The following RTF2 variants were observed in gnomAD, a reference collection of about 807,000 sequenced individuals.
RTF2 encodes the protein replication termination factor 2.
In RTF2, 18 loss-of-function variants were observed where a neutral mutation model predicts 38.0. That is an observed-to-expected ratio of 0.47 (90% CI 0.33 to 0.70). The LOEUF (loss-of-function observed/expected upper bound fraction) is 0.70. Ranked by LOEUF, RTF2 falls within the 30% of genes least tolerant of loss-of-function variation. The pLI, the probability that RTF2 is intolerant of heterozygous loss-of-function variation, is 0.02. For synonymous variants in RTF2, 126 were observed against 137.1 expected, an observed-to-expected ratio of 0.92 and a Z score of 0.57; for missense variants, 311 against 379.6, an observed-to-expected ratio of 0.82 and a Z score of 1.50.
At chr20:56,470,558 T>C (rs761597462) in intron 1 of RTF2, 50 of 455,756 alleles carry the variant, frequency 1.1e-4, no homozygotes, top group Non-Finnish European at 2.0e-4. Context: ...CTAAATTCCT[T>C]GTAATTTCCT....
chr20:56,497,459 A>G (rs750191781), intron 5 of RTF2: 29 of 1,524,612 alleles, frequency 1.9e-5, no homozygotes, highest in Non-Finnish European at 1.8e-5. Context: ...AACACAGTTC[A>G]TCTGGGTAAA....
chr20:56,508,649 A>AGT (rs1354002741), intron 5 of RTF2, among the ~76,000 whole-genome samples: 2 of 152,210 alleles, frequency 1.3e-5, no homozygotes, highest in East Asian at 3.8e-4. Context: ...TAATCAAGAT[A>AGT]GTGTGGTGCT....
chr20:56,485,899 A>G (rs1359228817), intron 5 of RTF2, among the ~76,000 whole-genome samples: 1 of 152,206 alleles, frequency 6.6e-6, no homozygotes, highest in Non-Finnish European at 1.5e-5. Context: ...GGTACCAAAC[A>G]GATGGTAAAG....
chr20:56,483,188 C>T (rs542604191), intron 4 of RTF2, among the ~76,000 whole-genome samples: 17 of 152,264 alleles, frequency 1.1e-4, no homozygotes, highest in African/African-American at 4.1e-4. Context: ...TACATTTGCA[C>T]ACTTGTGGGC....
chr20:56,504,462 G>A lies in RTF2; in HGVS notation c.478-8853G>A, dbSNP rs556122508. On this transcript the variant is annotated intron_variant, in intron 5 of 8. Coordinates refer to ENST00000357348, the MANE Select transcript of RTF2 (RefSeq NM_016407.5). ...TAGTTATCAGACCCTCTCTCATTAA[G>A]GAGATAAATAAAAGTCACTTAAAAA... Among the ~76,000 whole-genome samples, 96 of 152,246 alleles carry A rather than the reference G, an allele frequency of 6.3e-4. No individual in the cohort carries two copies. In the Middle Eastern group the frequency reaches 0.01, roughly 16 times the overall value.
At chr20:56,497,004 A>T in intron 5 of RTF2, 1 of 1,551,848 alleles carries the variant, frequency 6.4e-7, no homozygotes, top group South Asian at 1.2e-5. Context: ...ACAAAGATTG[A>T]TGACATAGTT....
intron 5 of RTF2, among the ~76,000 whole-genome samples, chr20:56,492,658 C>T (rs937459322): frequency 4.6e-5 from 7 of 151,816 alleles, no homozygotes; most frequent in Non-Finnish European, 8.8e-5. Flanking sequence ...TTTTGACAAC[C>T]GTGTTTGGCT....
In RTF2 at chr20:56,473,202, A is replaced by G; in HGVS notation, c.70-99A>G. ...ATCTTTGATTTAAAAAACAAAAATC[A>G]TTACAGTGCGGTATTACTGAATATA... On this transcript the variant is annotated intron_variant, in intron 1 of 8. Transcript: ENST00000357348. 3.5e-6 allele frequency: 3 copies of G among 853,432 alleles called. No homozygotes were observed. In the Admixed American group the frequency reaches 7.1e-5, roughly 20 times the overall value. The allele number at this position is 853,432 out of a possible 1,614,324, so 52.9% of individuals were successfully genotyped here.
intron 4 of RTF2, 23 bp from the exon 5 acceptor site, chr20:56,484,088 C>T: frequency 6.2e-7 from 1 of 1,606,844 alleles, no homozygotes. Flanking sequence ...TACAGTCCTT[C>T]CCCCACTGGG....
intron 5 of RTF2, among the ~76,000 whole-genome samples, chr20:56,498,184 G>T (rs919797831): frequency 6.6e-6 from 1 of 152,192 alleles, no homozygotes; most frequent in African/African-American, 2.4e-5. Context: ...AAAGTTCATT[G>T]TGTGCCATTA....
At chr20:56,471,633 A>G (rs181514285) in intron 1 of RTF2, 2 of 152,318 alleles carry the variant, frequency 1.3e-5, no homozygotes, top group Admixed American at 1.3e-4. Flanking sequence ...GTAAAAACTT[A>G]AAAGAAGAAA....
At chr20:56,483,233 CT>C (rs1982615296) in intron 4 of RTF2, among the ~76,000 whole-genome samples, 1 of 152,148 alleles carries the variant, frequency 6.6e-6, no homozygotes, top group African/African-American at 2.4e-5. Flanking sequence ...AAAAGTCACA[CT>C]TTACTTGATA....
chr20:56,476,533 C>G (rs1225288893), intron 3 of RTF2, among the ~76,000 whole-genome samples: 2 of 139,286 alleles, frequency 1.4e-5, no homozygotes, highest in Non-Finnish European at 3.1e-5. Flanking sequence ...GAGTTTTGCT[C>G]TTGTTGTCCA....
chr20:56,477,078 C>T lies in RTF2; in HGVS notation c.352C>T (p.Arg118Cys), dbSNP rs752235459. The change falls in exon 4 of 9, where the codon CGT becomes TGT. Residue 118 changes from arginine to cysteine, a missense_variant. Transcript: ENST00000357348. ...CAAGCACGATGACCTCCAGCGGGCG[C>T]GTTTCATCTGCCCCGTTGTGGGCCT... is the stretch of plus-strand genomic sequence containing the variant. Reference protein sequence around the residue: ...GDKHDDLQRARFICPVVGLEM... With the variant: ...GDKHDDLQRACFICPVVGLEM... The T allele has an allele frequency of 2.0e-5, 32 of 1,613,888 alleles. No homozygotes were observed. The highest frequency in any genetic ancestry group is 1.3e-4 in the East Asian group (6 of 44,878).
At chr20:56,509,611 C>CA (rs567362731) in intron 5 of RTF2, among the ~76,000 whole-genome samples, 52,200 of 105,660 alleles carry the variant, frequency 0.49, 10,752 homozygotes, top group Non-Finnish European at 0.53. Flanking sequence ...GATCCCATCT[C>CA]AAAAAAAAAA....
In RTF2 at chr20:56,517,107, A is replaced by C. The variant is rs768389162; in HGVS notation, c.648A>C (p.Glu216Asp). The change falls in exon 8 of 9, where the codon GAA (glutamate) becomes GAC (aspartate). Residue 216 changes from glutamate (E) to aspartate (D), a missense_variant and splice_region_variant. Transcript: ENST00000357348. ...TTGCCTACTTTGTTTCTTTTACAGAAGCCCCAGGGCCATCAAAAGTTAAGA... is the reference window on the plus strand; with the variant it reads ...TTGCCTACTTTGTTTCTTTTACAGACGCCCCAGGGCCATCAAAAGTTAAGA... The part of the protein sequence containing the change: ...ESVSKPDVSE[E>D]APGPSKVKTG... 2.5e-6 allele frequency: 4 copies of C among 1,614,026 alleles called. No individual in the cohort carries two copies. In the African/African-American group the frequency reaches 4.0e-5, roughly 16 times the overall value.
rs372064070 is a variant in RTF2 at position 56,506,480 on chromosome 20, A to G, written c.478-6835A>G. On this transcript the variant is annotated intron_variant, in intron 5 of 8. Coordinates refer to ENST00000357348, the MANE Select transcript of RTF2 (RefSeq NM_016407.5). ...CCACTGTTCCATTTGTTAAAGTGAT[A>G]TAAATATCTAGATACATTAGCATAT... Among the ~76,000 whole-genome samples, 10 of 152,302 alleles carry G rather than the reference A, an allele frequency of 6.6e-5. 1 individual carries two copies. In the East Asian group the frequency reaches 9.7e-4, roughly 15 times the overall value.
intron 6 of RTF2, among the ~76,000 whole-genome samples, chr20:56,515,294 G>A (rs376668221): frequency 3.9e-5 from 6 of 152,052 alleles, no homozygotes; most frequent in South Asian, 4.2e-4. Context: ...AAGGGCAGCC[G>A]GGTGCCGTGG....
At chr20:56,498,146 A>G (rs1983680939) in intron 5 of RTF2, among the ~76,000 whole-genome samples, 1 of 152,252 alleles carries the variant, frequency 6.6e-6, no homozygotes, top group African/African-American at 2.4e-5. Flanking sequence ...TACTTTGGAC[A>G]TAGACACCGT....
Sources: gnomAD v4.1 joint callset for allele counts (sites outside exome capture counted in the v4.1 genomes callset) on GRCh38, gnomAD v4.1.1 for gene constraint, MANE v1.5 for transcripts, NCBI Gene and HGNC (gene_info 2026-07-23, HGNC 2026-07-21) for gene names.